LRFN3: variants seen among roughly 807,000 people sequenced by gnomAD.
LRFN3 encodes the protein leucine rich repeat and fibronectin type III domain containing 3, also known as leucine-rich repeat and fibronectin type-III domain-containing protein 3.
In LRFN3, 8 loss-of-function variants were observed where a neutral mutation model predicts 23.8. That is an observed-to-expected ratio of 0.34 (90% confidence interval 0.20 to 0.61). The LOEUF is 0.61. LRFN3 is among the 20% of genes least tolerant of loss of function. The probability of loss-of-function intolerance (pLI) is 0.80; values close to 1 mark genes in which losing one functional copy is unlikely to be tolerated. For synonymous variants in LRFN3, 451 were observed against 450.6 expected (o/e 1.00, Z -0.01); for missense variants, 736 against 935.3 (o/e 0.79, Z 2.78).
rs1201421640 is a variant in LRFN3 at position 35,937,224 on chromosome 19, C to A, written c.-348C>A. On this transcript the variant is annotated 5_prime_UTR_variant, in exon 1 of 3. The change creates a new upstream start codon in the 5' untranslated region. Coordinates refer to ENST00000246529, the MANE Select transcript of LRFN3 (RefSeq NM_024509.2). ...CAATCTTGACTCAGCACCCCAATAT[C>A]TGAATGCAGAACCCCGGGATCGGAT... is the stretch of plus-strand genomic sequence containing the variant. 6.6e-6 allele frequency: 1 copy of A among 152,196 alleles called. No individual in the cohort carries two copies. Among genetic ancestry groups the A allele is most frequent in the Non-Finnish European group, 1.5e-5 (1 of 68,072 alleles). The allele number at this position is 152,196 out of a possible 1,614,324, so 9.4% of individuals were successfully genotyped here.
At position 35,945,057 on chromosome 19, in the gene LRFN3, G is replaced by T. The variant is rs1160602227; in HGVS notation, c.*38G>T. 3 of 1,216,580 alleles carry T rather than the reference G, an allele frequency of 2.5e-6. No homozygotes were observed. In the South Asian group the frequency reaches 5.5e-5, roughly 23 times the overall value. 75.4% of individuals were successfully genotyped at this position (1,216,580 alleles called of 1,614,324 possible). A position where few individuals can be genotyped will look rare whatever the true frequency, so the allele number is the denominator to read the frequency against. ...CCCTCTAAGGGTCCTCTGGCCCCAC[G>T]GACAGCAGGACCCGGACACCCTGTG... On this transcript the variant is annotated 3_prime_UTR_variant, in exon 3 of 3. Coordinates refer to ENST00000246529, the MANE Select transcript of LRFN3 (RefSeq NM_024509.2).
intron 2 of LRFN3, among the ~76,000 whole-genome samples, chr19:35,942,464 G>T (rs1242247474): frequency 6.6e-6 from 1 of 152,236 alleles, no homozygotes; most frequent in Non-Finnish European, 1.5e-5. Flanking sequence ...TTGCATGGAT[G>T]GACTGCGGCT....
Position 35,944,863 on chromosome 19 carries a change from G to T in LRFN3, c.1731G>T (p.Ala577=), listed in dbSNP as rs987136594. 8.1e-6 allele frequency: 13 copies of T among 1,600,598 alleles called. No homozygotes were observed. The Admixed American group carries it at 1.0e-4, about 12-fold the overall frequency. ...GQPPGKAKIP[A]PVSSVCSQTN... is the part of the protein sequence containing the mutation. ...CCCCCGGCAAGGCCAAGATTCCCGC[G>T]CCTGTTAGCAGCGTTTGCTCCCAGA... is the stretch of plus-strand genomic sequence containing the variant. The change falls in exon 3 of 3, where the codon GCG becomes GCT. Residue 577 remains alanine, a synonymous_variant. Coordinates refer to ENST00000246529, the MANE Select transcript of LRFN3 (RefSeq NM_024509.2). This position sits in a 1 kb window ranked among gnomAD's most constrained non-coding sequence, Gnocchi z 4.5.
At chr19:35,943,438 A>G (rs1006530924) in intron 2 of LRFN3, among the ~76,000 whole-genome samples, 1 of 152,218 alleles carries the variant, frequency 6.6e-6, no homozygotes, top group Admixed American at 6.6e-5. Context: ...TACAGTCATC[A>G]TAATAAGGCA....
chr19:35,944,409 G>A lies in LRFN3; in HGVS notation c.1416-139G>A, dbSNP rs2145303318. 2 of 540,386 alleles carry A rather than the reference G, an allele frequency of 3.7e-6. No homozygotes were observed. The highest frequency in any genetic ancestry group is 6.1e-6 in the Non-Finnish European group (2 of 328,702). 33.5% of individuals were successfully genotyped at this position (540,386 alleles called of 1,614,324 possible). On this transcript the variant is annotated intron_variant, in intron 2 of 2. Coordinates refer to ENST00000246529, the MANE Select transcript of LRFN3 (RefSeq NM_024509.2). The surrounding 1 kb of genome is among the most constrained non-coding windows in gnomAD (Gnocchi z 4.5). ...CAGACCAAAGGGAATTGGGATGTTG[G>A]TGAGAGGGAGCTCATTGGGTAGAAT...
At position 35,944,425 on chromosome 19, in the gene LRFN3, TG is replaced by T. The variant is rs1976152860; in HGVS notation, c.1416-120del. On this transcript the variant is annotated intron_variant, in intron 2 of 2. Transcript: ENST00000246529. This position sits in a 1 kb window ranked among gnomAD's most constrained non-coding sequence, Gnocchi z 4.5. ...GGGATGTTGGTGAGAGGGAGCTCAT[TG>T]GGTAGAATGAAATGAAGGAGTGGAC... 6.8e-6 allele frequency: 4 copies of T among 591,554 alleles called. No individual in the cohort carries two copies. Among genetic ancestry groups the T allele is most frequent in the East Asian group, 3.4e-5 (1 of 29,182 alleles). 36.6% of individuals were successfully genotyped at this position (591,554 alleles called of 1,614,324 possible). A position where few individuals can be genotyped will look rare whatever the true frequency, so the allele number is the denominator to read the frequency against.
Position 35,937,070 on chromosome 19 carries a change from C to T in LRFN3, c.-502C>T, listed in dbSNP as rs1976065697. ...TACCCTGGAACCCACTCTTGGGGAC[C>T]TGAACCCTGGGATTCAGGCCTCAAA... On this transcript the variant is annotated 5_prime_UTR_variant, in exon 1 of 3. Coordinates refer to ENST00000246529, the MANE Select transcript of LRFN3 (RefSeq NM_024509.2). 1.3e-5 allele frequency: 2 copies of T among 152,098 alleles called. No homozygotes were observed. The highest frequency in any genetic ancestry group is 4.1e-4 in the South Asian group (2 of 4,822). The allele number at this position is 152,098 out of a possible 1,614,324, so 9.4% of individuals were successfully genotyped here.
At chr19:35,941,908 AGTCTCACTCT>A (rs1976125999) in intron 2 of LRFN3, among the ~76,000 whole-genome samples, 2 of 136,698 alleles carry the variant, frequency 1.5e-5, no homozygotes, top group African/African-American at 5.6e-5. Context: ...TTTGAGACGG[AGTCTCACTCT>A]GTTGCCCAGG....
Position 35,940,286 on chromosome 19 carries a change from C to T in LRFN3, c.861C>T (p.Gly287=), listed in dbSNP as rs771879446. 49 of 1,598,954 alleles carry T rather than the reference C, an allele frequency of 3.1e-5. No individual in the cohort carries two copies. In the African/African-American group the frequency reaches 4.8e-4, roughly 16 times the overall value. ...ALGGRYFWAV[G]EEEFVCEPPV... is the part of the protein sequence containing the mutation. ...GCGGCCGCTACTTCTGGGCGGTGGG[C>T]GAGGAGGAGTTTGTCTGCGAGCCGC... is the stretch of plus-strand genomic sequence containing the variant. The change falls in exon 2 of 3, where the codon GGC becomes GGT. Residue 287 remains glycine (G), a synonymous_variant. Transcript: ENST00000246529.
Position 35,944,910 on chromosome 19 carries a change from C to G in LRFN3, c.1778C>G (p.Thr593Arg), listed in dbSNP as rs369295346. The change falls in exon 3 of 3, where the codon ACG becomes AGG. Residue 593 changes from threonine (T) to arginine (R), a missense_variant. By Grantham distance (71) the Thr-to-Arg change is moderately conservative. Transcript: ENST00000246529. The surrounding 1 kb of genome is among the most constrained non-coding windows in gnomAD (Gnocchi z 4.5). ...CAGACCAACGGCGCCCTGGGCCCCA[C>G]GCCCACGCCCGCCCCGCCCGCCCCG... ...CSQTNGALGP[T>R]PTPAPPAPEP... The G allele has an allele frequency of 1.9e-5, 29 of 1,558,460 alleles. No individual in the cohort carries two copies. The highest frequency in any genetic ancestry group is 2.5e-5 in the Non-Finnish European group (29 of 1,160,268).
At chr19:35,942,492 C>G (rs933139064) in intron 2 of LRFN3, among the ~76,000 whole-genome samples, 2 of 152,208 alleles carry the variant, frequency 1.3e-5, no homozygotes, top group African/African-American at 4.8e-5. Flanking sequence ...AGTCCCTGTC[C>G]TCACGGCCAG....
chr19:35,940,824 G>A lies in LRFN3; in HGVS notation c.1399G>A (p.Asp467Asn), dbSNP rs1241142417. 1 of 1,575,016 alleles carries A rather than the reference G, an allele frequency of 6.3e-7. No individual in the cohort carries two copies. The highest frequency in any genetic ancestry group is 2.3e-5 in the East Asian group (1 of 44,086). ...YQIQYNSSAD[D>N]ILVYRMIPAE... is the part of the protein sequence containing the mutation. ...GATCCAGTACAACAGCTCGGCTGAT[G>A]ACATCCTCGTCTACAGGTGCAGGGT... The change falls in exon 2 of 3, where the codon GAC becomes AAC. Residue 467 changes from aspartate to asparagine, a missense_variant. Physicochemically the swap from Asp to Asn is conservative, Grantham distance 23. Coordinates refer to ENST00000246529, the MANE Select transcript of LRFN3 (RefSeq NM_024509.2).
At position 35,945,288 on chromosome 19, in the gene LRFN3, C is replaced by G; in HGVS notation, c.*269C>G. 1 of 363,474 alleles carries G rather than the reference C, an allele frequency of 2.8e-6. No homozygotes were observed. Among genetic ancestry groups the G allele is most frequent in the Non-Finnish European group, 4.9e-6 (1 of 204,130 alleles). The allele number at this position is 363,474 out of a possible 1,614,324, so 22.5% of individuals were successfully genotyped here. A position where few individuals can be genotyped will look rare whatever the true frequency, so the allele number is the denominator to read the frequency against. On this transcript the variant is annotated 3_prime_UTR_variant, in exon 3 of 3. Coordinates refer to ENST00000246529, the MANE Select transcript of LRFN3 (RefSeq NM_024509.2). ...CTCCTTTGGGGAGACACCCCCTCCC[C>G]GCCCAGTTCAGTCTGAGGACCCCGG... is the stretch of plus-strand genomic sequence containing the variant.
At chr19:35,937,893 A>G (rs1976074701) in intron 1 of LRFN3, among the ~76,000 whole-genome samples, 1 of 151,396 alleles carries the variant, frequency 6.6e-6, no homozygotes, top group South Asian at 2.1e-4. Context: ...TGTCCTCTCA[A>G]TGGCCATCTC....
Position 35,944,027 on chromosome 19 carries a change from A to C in LRFN3, c.1416-521A>C, listed in dbSNP as rs1343536069. ...CAATATAGCAAGAGCCTGTCTCTAC[A>C]AAAAATTTAAAAATTAGCTGGGCAT... On this transcript the variant is annotated intron_variant, in intron 2 of 2. Transcript: ENST00000246529. The surrounding 1 kb of genome is among the most constrained non-coding windows in gnomAD (Gnocchi z 4.5). Among the ~76,000 whole-genome samples, 1 of 152,152 alleles carries C rather than the reference A, an allele frequency of 6.6e-6. No homozygotes were observed.
rs1255094202 is a variant in LRFN3, at chr19:35,940,377, C to G, written c.952C>G (p.Arg318Gly). ...PAGRPAALRCRAVGDPEPRVR... is the reference protein window; with the variant it reads ...PAGRPAALRCGAVGDPEPRVR... ...AGGTCGGCCGGCTGCCCTGCGCTGC[C>G]GGGCAGTGGGGGACCCAGAGCCCCG... is the stretch of plus-strand genomic sequence containing the variant. Residue 318 changes from arginine (R) to glycine (G), a missense_variant, in exon 2 of 3, where the codon CGG becomes GGG. Around this residue, in one of 2 missense-constraint regions of LRFN3, gnomAD observed 446 missense variants for 647.9 expected, o/e 0.69. Coordinates refer to ENST00000246529, the MANE Select transcript of LRFN3 (RefSeq NM_024509.2). The G allele has an allele frequency of 1.3e-6, 2 of 1,571,490 alleles. No homozygotes were observed. The highest frequency in any genetic ancestry group is 4.5e-5 in the East Asian group (2 of 44,382).
rs1347923141 is a variant in LRFN3 at position 35,940,280 on chromosome 19, G to A, written c.855G>A (p.Ala285=). 8.1e-6 allele frequency: 13 copies of A among 1,600,728 alleles called. No individual in the cohort carries two copies. Among genetic ancestry groups the A allele is most frequent in the East Asian group, 2.2e-5 (1 of 44,706 alleles). Residue 285 remains alanine, a synonymous_variant, in exon 2 of 3, where the codon GCG becomes GCA. Transcript: ENST00000246529. ...PPALGGRYFW[A]VGEEEFVCEP... ...CTCTGGGCGGCCGCTACTTCTGGGC[G>A]GTGGGCGAGGAGGAGTTTGTCTGCG...
intron 2 of LRFN3, among the ~76,000 whole-genome samples, chr19:35,942,016 G>A (rs1976127188): frequency 6.6e-6 from 1 of 151,900 alleles, no homozygotes; most frequent in Non-Finnish European, 1.5e-5. Flanking sequence ...CCGAGTAGCT[G>A]GGACTACAGG....
rs1397094246 is a variant in LRFN3, at chr19:35,939,678, C to T, written c.253C>T (p.Leu85=). 2 of 1,607,204 alleles carry T rather than the reference C, an allele frequency of 1.2e-6. No individual in the cohort carries two copies. Among genetic ancestry groups the T allele is most frequent in the African/African-American group, 1.3e-5 (1 of 74,900 alleles). ...RRRDLANMTG[L]LHLSLSRNTI... is the part of the protein sequence containing the mutation. ...CCGCGACCTGGCCAACATGACAGGC[C>T]TGCTGCATCTGAGCCTGTCGCGGAA... Residue 85 remains leucine, a synonymous_variant, in exon 2 of 3, where the codon CTG becomes TTG. Coordinates refer to ENST00000246529, the MANE Select transcript of LRFN3 (RefSeq NM_024509.2). This position sits in a 1 kb window ranked among gnomAD's most constrained non-coding sequence, Gnocchi z 6.4.
Sources: allele counts gnomAD v4.1 joint callset (sites outside exome capture counted in the v4.1 genomes callset), GRCh38; gene constraint gnomAD v4.1.1; regional missense constraint gnomAD v4.1.1; non-coding constraint Gnocchi (gnomAD v3.1); transcripts MANE v1.5; gene names NCBI Gene and HGNC (gene_info 2026-07-23, HGNC 2026-07-21).